Variants in ZNF804B observed in about 807,000 individuals in gnomAD.
ZNF804B encodes zinc finger 804B.
Under a neutral mutation model 101.4 loss-of-function variants are expected in ZNF804B, and 80 were observed. The observed-to-expected ratio is 0.79, with a 90% CI of 0.66 to 0.95. The LOEUF (loss-of-function observed/expected upper bound fraction) is 0.95, where lower values mean the gene tolerates loss of function less well. Ranked by LOEUF, ZNF804B falls within the 40% of genes least tolerant of loss-of-function variation. The probability of loss-of-function intolerance (pLI) is 0.00; values close to 1 mark genes in which losing one functional copy is unlikely to be tolerated. For missense variants in ZNF804B, 1,673 were observed against 1,561.9 expected, an observed-to-expected ratio of 1.07 and a Z score of -1.20; for synonymous variants, 622 against 558.8, an observed-to-expected ratio of 1.11 and a Z score of -1.59.
intron 1 of ZNF804B, among the ~76,000 whole-genome samples, chr7:88,764,679 C>T (rs911193890): frequency 2.6e-5 from 4 of 152,126 alleles, no homozygotes; most frequent in African/African-American, 7.2e-5. Flanking sequence ...AAACCCTTGT[C>T]CTTTTTTTCT....
intron 1 of ZNF804B, among the ~76,000 whole-genome samples, chr7:88,979,233 A>G (rs1228919069): frequency 6.6e-6 from 1 of 151,978 alleles, no homozygotes; most frequent in Non-Finnish European, 1.5e-5. Flanking sequence ...AGTGTTGTAC[A>G]AAACACCCAT....
intron 1 of ZNF804B, among the ~76,000 whole-genome samples, chr7:89,190,610 A>G (rs1788441886): frequency 6.6e-6 from 1 of 152,140 alleles, no homozygotes; most frequent in Non-Finnish European, 1.5e-5. Context: ...AATTCGAAAG[A>G]AGTTCTACTG....
intron 1 of ZNF804B, among the ~76,000 whole-genome samples, chr7:88,824,486 T>C (rs189789145): frequency 2.5e-4 from 38 of 152,270 alleles, no homozygotes; most frequent in Admixed American, 1.8e-3. Flanking sequence ...CCTCTTTCTT[T>C]TGTGAGTTAT....
At chr7:89,023,563 T>C (rs1435398067) in intron 1 of ZNF804B, among the ~76,000 whole-genome samples, 1 of 152,190 alleles carries the variant, frequency 6.6e-6, no homozygotes, top group Non-Finnish European at 1.5e-5. Flanking sequence ...ATTTGAGCAT[T>C]TTACTAGAGT....
chr7:88,960,379 T>C (rs1221928625), intron 1 of ZNF804B, among the ~76,000 whole-genome samples: 1 of 151,104 alleles, frequency 6.6e-6, no homozygotes, highest in Non-Finnish European at 1.5e-5. Context: ...GCACCAGTGG[T>C]GTTATCTGGC....
chr7:89,024,485 A>C (rs1300718796), intron 1 of ZNF804B, among the ~76,000 whole-genome samples: 1 of 151,966 alleles, frequency 6.6e-6, no homozygotes. Flanking sequence ...TCTGTTCACT[A>C]CAAAGTCTGG....
At chr7:89,220,281 G>T (rs1292685942) in intron 2 of ZNF804B, among the ~76,000 whole-genome samples, 1 of 150,620 alleles carries the variant, frequency 6.6e-6, no homozygotes, top group Non-Finnish European at 1.5e-5. Flanking sequence ...CTCTGACAAG[G>T]GCAAGATAAT....
intron 2 of ZNF804B, among the ~76,000 whole-genome samples, chr7:89,288,208 T>C (rs1790236036): frequency 1.3e-5 from 2 of 152,160 alleles, no homozygotes; most frequent in South Asian, 4.1e-4. Context: ...AAAATGTTTA[T>C]TGTGACGCAT....
chr7:88,874,700 A>G (rs1352472245), intron 1 of ZNF804B, among the ~76,000 whole-genome samples: 3 of 152,154 alleles, frequency 2.0e-5, no homozygotes. Context: ...AATTTTGTCA[A>G]AGGCCTTTTC....
intron 2 of ZNF804B, among the ~76,000 whole-genome samples, chr7:89,262,053 A>G (rs996207665): frequency 6.6e-6 from 1 of 152,200 alleles, no homozygotes; most frequent in Non-Finnish European, 1.5e-5. Context: ...AATGAACTCT[A>G]ATTTTAAAGA....
chr7:89,283,561 C>T (rs1219146416), intron 2 of ZNF804B, among the ~76,000 whole-genome samples: 2 of 152,098 alleles, frequency 1.3e-5, no homozygotes, highest in African/African-American at 4.8e-5. Context: ...TCATTTGATC[C>T]CTGCTGTGTC....
chr7:88,803,912 G>A (rs1300112563), intron 1 of ZNF804B, among the ~76,000 whole-genome samples: 3 of 152,060 alleles, frequency 2.0e-5, no homozygotes, highest in Admixed American at 2.0e-4. Flanking sequence ...GTTTTAGGGA[G>A]TAGGCAAATA....
intron 1 of ZNF804B, among the ~76,000 whole-genome samples, chr7:89,025,555 T>C (rs1256782123): frequency 2.0e-5 from 3 of 152,150 alleles, no homozygotes; most frequent in African/African-American, 7.2e-5. Flanking sequence ...AAACTTGTTT[T>C]TTAAAAAACA....
chr7:89,031,898 A>C (rs984222832), intron 1 of ZNF804B, among the ~76,000 whole-genome samples: 1 of 152,156 alleles, frequency 6.6e-6, no homozygotes, highest in Non-Finnish European at 1.5e-5. Context: ...TTCATAAAGC[A>C]AATGGAATTG....
At chr7:89,116,110 C>A (rs1482699967) in intron 1 of ZNF804B, among the ~76,000 whole-genome samples, 1 of 149,924 alleles carries the variant, frequency 6.7e-6, no homozygotes, top group East Asian at 2.0e-4. Flanking sequence ...AACAGTGTTT[C>A]GCCATGTTCC....
chr7:89,273,453 G>C (rs753949547), intron 2 of ZNF804B, among the ~76,000 whole-genome samples: 1 of 152,096 alleles, frequency 6.6e-6, no homozygotes, highest in Non-Finnish European at 1.5e-5. Context: ...TAATTTTCAA[G>C]TTAAAATTAC....
At chr7:89,181,435 C>A (rs1584036821) in intron 1 of ZNF804B, among the ~76,000 whole-genome samples, 1 of 152,252 alleles carries the variant, frequency 6.6e-6, no homozygotes, top group East Asian at 1.9e-4. Flanking sequence ...TGAGTGCAGG[C>A]CAAATTATGC....
At chr7:89,304,684 C>G (rs1311217178) in intron 2 of ZNF804B, among the ~76,000 whole-genome samples, 1 of 151,828 alleles carries the variant, frequency 6.6e-6, no homozygotes, top group Non-Finnish European at 1.5e-5. Context: ...TTAGGAGAAC[C>G]TGCTAAATTC....
At chr7:89,108,106 T>G (rs1270470429) in intron 1 of ZNF804B, among the ~76,000 whole-genome samples, 1 of 152,172 alleles carries the variant, frequency 6.6e-6, no homozygotes, top group Non-Finnish European at 1.5e-5. Context: ...GAATGCAGTT[T>G]TACTGTATGA....
Sources: allele counts gnomAD v4.1 joint callset (sites outside exome capture counted in the v4.1 genomes callset), GRCh38; gene constraint gnomAD v4.1.1; transcripts MANE v1.5; gene names NCBI Gene and HGNC (gene_info 2026-07-23, HGNC 2026-07-21).